Variants in PTCHD4 observed in about 807,000 individuals in gnomAD.
PTCHD4 encodes the protein patched domain-containing protein 4.
Under a neutral mutation model 58.1 loss-of-function variants are expected in PTCHD4, and 33 were observed. The observed-to-expected ratio is 0.57, with a 90% CI of 0.43 to 0.76. PTCHD4 has a LOEUF of 0.76. Ranked by LOEUF, PTCHD4 falls within the 30% of genes least tolerant of loss-of-function variation. PTCHD4 has a pLI of 0.00. For missense variants in PTCHD4, 1,058 were observed against 1,027.1 expected (o/e 1.03, Z -0.41); for synonymous variants, 478 against 409.6 (o/e 1.17, Z -2.02).
intron 4 of PTCHD4, among the ~76,000 whole-genome samples, chr6:47,992,756 A>G (rs1768328520): frequency 6.6e-6 from 1 of 152,162 alleles, no homozygotes; most frequent in Non-Finnish European, 1.5e-5. Flanking sequence ...TTTTCTTTGA[A>G]TGTTTTCCTA....
intron 4 of PTCHD4, among the ~76,000 whole-genome samples, chr6:47,992,122 T>C (rs1160952817): frequency 1.3e-5 from 2 of 152,002 alleles, no homozygotes; most frequent in East Asian, 1.9e-4. Flanking sequence ...ACAAAAACAA[T>C]GGAGAAACGA....
intron 3 of PTCHD4, among the ~76,000 whole-genome samples, chr6:48,020,263 AT>A (rs1763019110): frequency 6.6e-6 from 1 of 152,124 alleles, no homozygotes; most frequent in Admixed American, 6.5e-5. Context: ...TTATGGGAAC[AT>A]TAAAAAAGAG....
At chr6:47,961,254 ATTGT>A (rs1169620214) in intron 4 of PTCHD4, among the ~76,000 whole-genome samples, 2 of 151,950 alleles carry the variant, frequency 1.3e-5, no homozygotes, top group Non-Finnish European at 2.9e-5. Context: ...CAAAAGTGAA[ATTGT>A]TTGTATTAAT....
chr6:48,079,042 C>A (rs1329517793), intron 1 of PTCHD4, among the ~76,000 whole-genome samples: 1 of 146,914 alleles, frequency 6.8e-6, no homozygotes, highest in Non-Finnish European at 1.5e-5. Flanking sequence ...GGCGTGAACC[C>A]GGGAGGCGGA....
At chr6:48,110,719 GTTGT>G (rs1050420600) in intron 1 of PTCHD4, among the ~76,000 whole-genome samples, 5 of 148,418 alleles carry the variant, frequency 3.4e-5, no homozygotes, top group Admixed American at 2.0e-4. Flanking sequence ...GATTTATTAG[GTTGT>G]TTGTTCTTAA....
chr6:48,108,763 T>C (rs987911332), intron 1 of PTCHD4, among the ~76,000 whole-genome samples: 14 of 151,886 alleles, frequency 9.2e-5, no homozygotes, highest in Non-Finnish European at 1.5e-4. Flanking sequence ...TCCAAGAATA[T>C]AGAGAGAACG....
chr6:47,949,871 T>G (rs1044043771), intron 4 of PTCHD4, among the ~76,000 whole-genome samples: 1 of 141,224 alleles, frequency 7.1e-6, no homozygotes, highest in African/African-American at 2.6e-5. Flanking sequence ...ACTTGGATTG[T>G]TTTTTTTTTA....
At chr6:48,008,517 T>C (rs1762545903) in intron 4 of PTCHD4, 117 bp downstream of exon 4, 2 of 1,201,394 alleles carry the variant, frequency 1.7e-6, no homozygotes, top group Non-Finnish European at 2.3e-6. Flanking sequence ...AAATTTTATG[T>C]AATGACATAG....
In PTCHD4 at chr6:47,863,896, C is replaced by T. The variant is rs142644316; in HGVS notation, c.*14407G>A. ...TAGATGAGTTCTACCAACAGGTAGA[C>T]TTGTCAGATATGGCCTTAGTTCAGG... On this transcript the variant is annotated 3_prime_UTR_variant, in exon 5 of 5. Coordinates refer to ENST00000339488, the MANE Select transcript of PTCHD4 (RefSeq NM_001384253.1). 1.9e-3 allele frequency among the ~76,000 whole-genome samples: 292 copies of T among 152,116 alleles called. 3 individuals are homozygous for T. The highest frequency in any genetic ancestry group is 3.4e-3 in the Middle Eastern group (1 of 294).
Position 47,968,564 on chromosome 6 carries a change from T to C in PTCHD4, c.898+40070A>G, listed in dbSNP as rs552546897. On this transcript the variant is annotated intron_variant, in intron 4 of 4. Coordinates refer to ENST00000339488, the MANE Select transcript of PTCHD4 (RefSeq NM_001384253.1). ...GAAGCACAATAAAACAAGATATGCC[T>C]GGATTTGTAAATAAGCCTTTGGCCA... is the stretch of plus-strand genomic sequence containing the variant. 1.6e-4 allele frequency among the ~76,000 whole-genome samples: 24 copies of C among 152,308 alleles called. No individual in the cohort carries two copies. The South Asian group carries it at 2.7e-3, about 17-fold the overall frequency.
intron 4 of PTCHD4, among the ~76,000 whole-genome samples, chr6:47,907,143 G>A (rs1223908192): frequency 6.6e-6 from 1 of 152,136 alleles, no homozygotes; most frequent in Non-Finnish European, 1.5e-5. Context: ...GGAATTGGTG[G>A]GAAGGGGTTT....
At chr6:47,897,867 A>G (rs910088159) in intron 4 of PTCHD4, among the ~76,000 whole-genome samples, 8 of 152,072 alleles carry the variant, frequency 5.3e-5, no homozygotes, top group African/African-American at 9.7e-5. Context: ...ACATGCCATA[A>G]ATATACCACA....
At chr6:47,998,544 G>C (rs1230741005) in intron 4 of PTCHD4, among the ~76,000 whole-genome samples, 1 of 152,178 alleles carries the variant, frequency 6.6e-6, no homozygotes, top group Middle Eastern at 3.2e-3. Flanking sequence ...GTAACCACTT[G>C]AGGAAACTCA....
chr6:48,001,828 C>G (rs921077387), intron 4 of PTCHD4, among the ~76,000 whole-genome samples: 1 of 152,212 alleles, frequency 6.6e-6, no homozygotes, highest in South Asian at 2.1e-4. Flanking sequence ...AGGCAACCTA[C>G]AGAATGGAAG....
intron 3 of PTCHD4, among the ~76,000 whole-genome samples, chr6:48,038,869 G>A (rs1763741887): frequency 6.6e-6 from 1 of 152,116 alleles, no homozygotes; most frequent in Non-Finnish European, 1.5e-5. Context: ...AGAGAACCCA[G>A]TGCACCTGGA....
intron 1 of PTCHD4, among the ~76,000 whole-genome samples, chr6:48,109,086 C>G (rs375267799): frequency 6.6e-5 from 10 of 152,078 alleles, no homozygotes; most frequent in East Asian, 3.9e-4. Flanking sequence ...AAGTAAAATA[C>G]CTTAACAAAC....
intron 4 of PTCHD4, among the ~76,000 whole-genome samples, chr6:47,887,946 C>A (rs866403397): frequency 5.3e-5 from 8 of 152,164 alleles, no homozygotes; most frequent in African/African-American, 7.2e-5. Flanking sequence ...ATGGTTTTAC[C>A]TGGAAACCTT....
intron 1 of PTCHD4, among the ~76,000 whole-genome samples, chr6:48,084,910 AT>A (rs556805762): frequency 2.0e-5 from 3 of 151,628 alleles, no homozygotes; most frequent in South Asian, 2.1e-4. Flanking sequence ...CACCTGACTG[AT>A]TTTTTGTATC....
intron 4 of PTCHD4, among the ~76,000 whole-genome samples, chr6:47,989,990 C>T (rs1768221457): frequency 6.6e-6 from 1 of 152,176 alleles, no homozygotes; most frequent in East Asian, 1.9e-4. Context: ...CCTGCAAAGC[C>T]ACAGGGGTGG....
Sources: allele counts gnomAD v4.1 joint callset (sites outside exome capture counted in the v4.1 genomes callset), GRCh38; gene constraint gnomAD v4.1.1; transcripts MANE v1.5; gene names NCBI Gene and HGNC (gene_info 2026-07-23, HGNC 2026-07-21).